Variants in EPM2A observed in about 807,000 individuals in gnomAD.
EPM2A encodes EPM2A glucan phosphatase, laforin.
In EPM2A, 21 loss-of-function variants were observed where a neutral mutation model predicts 26.5. That is an observed-to-expected ratio of 0.79 (90% CI 0.56 to 1.14). The LOEUF (loss-of-function observed/expected upper bound fraction) is 1.14. Ranked by LOEUF, EPM2A falls within the 50% of genes most tolerant of loss-of-function variation. The pLI, the probability that EPM2A is intolerant of heterozygous loss-of-function variation, is 0.00. For synonymous variants in EPM2A, 217 were observed against 177.6 expected, an observed-to-expected ratio of 1.22 and a Z score of -1.76; for missense variants, 458 against 440.8, an observed-to-expected ratio of 1.04 and a Z score of -0.35.
At chr6:145,585,549 G>T (rs1425098721) in intron 2 of EPM2A, among the ~76,000 whole-genome samples, 1 of 152,034 alleles carries the variant, frequency 6.6e-6, no homozygotes, top group Non-Finnish European at 1.5e-5. Flanking sequence ...ATTTCTAGAT[G>T]TCTATCTAGG....
chr6:145,623,356 C>T (rs1775677295), downstream of EPM2A, among the ~76,000 whole-genome samples: 1 of 152,044 alleles, frequency 6.6e-6, no homozygotes, highest in South Asian at 2.1e-4. Flanking sequence ...ATAGGGTAGT[C>T]CAGGGAGGCA....
chr6:145,666,734 G>A (rs1779228509), intron 2 of EPM2A, among the ~76,000 whole-genome samples: 1 of 148,278 alleles, frequency 6.7e-6, no homozygotes, highest in Non-Finnish European at 1.5e-5. Context: ...GAACAAAGTT[G>A]GAGGCATCAC....
intron 1 of EPM2A, among the ~76,000 whole-genome samples, chr6:145,703,116 G>A (rs1384896759): frequency 4.5e-5 from 6 of 132,444 alleles, no homozygotes; most frequent in South Asian, 2.3e-4. Flanking sequence ...TTTTCGAGAC[G>A]GAGTCTCGCT....
rs148518269 is a variant in EPM2A at position 145,514,470 on chromosome 6, C to T, written c.341-11895G>A. 5.3e-5 allele frequency among the ~76,000 whole-genome samples: 8 copies of T among 152,168 alleles called. No individual in the cohort carries two copies. The East Asian group carries it at 1.5e-3, about 29-fold the overall frequency. ...AAAAAACAAACAAAATGCATCAAGT[C>T]AAATTTATTGATATATGTACATTTA... On this transcript the variant is annotated intron_variant, in intron 2 of 3. Coordinates refer to the EPM2A transcript ENST00000450221.
At chr6:145,572,788 C>T (rs1023251829) in intron 2 of EPM2A, among the ~76,000 whole-genome samples, 1 of 152,192 alleles carries the variant, frequency 6.6e-6, no homozygotes, top group African/African-American at 2.4e-5. Context: ...GCTTGCACAG[C>T]AGCCTGGACC....
At position 145,492,029 on chromosome 6, in the gene EPM2A, C is replaced by T. The variant is rs189149407; in HGVS notation, c.555+10493G>A. 17 of 346,444 alleles carry T rather than the reference C, an allele frequency of 4.9e-5. No individual in the cohort carries two copies. The East Asian group carries it at 9.0e-4, about 18-fold the overall frequency. 21.5% of individuals were successfully genotyped at this position (346,444 alleles called of 1,614,324 possible). ...CGATCTTGCTGTTTATTCAGTCAGT[C>T]GAGGATCATCTGATGATGTTCAGGA... On this transcript the variant is annotated intron_variant, in intron 4 of 4. Coordinates refer to the EPM2A transcript ENST00000638717.
chr6:145,450,086 G>C (rs1178676768), intron 4 of EPM2A, among the ~76,000 whole-genome samples: 1 of 151,900 alleles, frequency 6.6e-6, no homozygotes, highest in African/African-American at 2.4e-5. Flanking sequence ...TGGTGTGGTG[G>C]CTCACACCTG....
At chr6:145,621,746 G>C (rs1217879750), downstream of EPM2A, among the ~76,000 whole-genome samples, 3 of 152,000 alleles carry the variant, frequency 2.0e-5, no homozygotes. Flanking sequence ...GTCTTCTTTG[G>C]AGAAATGTCT....
intron 2 of EPM2A, among the ~76,000 whole-genome samples, chr6:145,681,256 A>C (rs1457118286): frequency 1.1e-4 from 16 of 147,208 alleles, no homozygotes; most frequent in African/African-American, 2.0e-4. Context: ...TTTTTCTTGT[A>C]AATTTGTTTG....
intron 2 of EPM2A, among the ~76,000 whole-genome samples, chr6:145,536,276 T>G (rs12191427): frequency 0.02 from 944 of 48,062 alleles, 9 homozygotes; most frequent in Non-Finnish European, 0.031. Flanking sequence ...TTTTTGTTTT[T>G]GTTTTGGTTT....
At chr6:145,518,455 T>G (rs922736978) in intron 2 of EPM2A, among the ~76,000 whole-genome samples, 1 of 152,074 alleles carries the variant, frequency 6.6e-6, no homozygotes, top group African/African-American at 2.4e-5. Flanking sequence ...AGATGGACAC[T>G]CCAGTACAGC....
intron 2 of EPM2A, among the ~76,000 whole-genome samples, chr6:145,601,138 C>G (rs1033141266): frequency 6.6e-6 from 1 of 152,122 alleles, no homozygotes; most frequent in African/African-American, 2.4e-5. Context: ...ATTATTAACA[C>G]TTATTTATAT....
chr6:145,495,281 T>G (rs1328025555), intron 4 of EPM2A, among the ~76,000 whole-genome samples: 1 of 151,408 alleles, frequency 6.6e-6, no homozygotes, highest in African/African-American at 2.4e-5. Context: ...GAGTCTGTTT[T>G]GTCAAAAACT....
chr6:145,477,160 G>T (rs971672614), intron 4 of EPM2A, among the ~76,000 whole-genome samples: 1 of 151,792 alleles, frequency 6.6e-6, no homozygotes, highest in Non-Finnish European at 1.5e-5. Flanking sequence ...GCTACTATGA[G>T]CAACTATATG....
chr6:145,423,687 T>C (rs1778818610), intron 4 of EPM2A, among the ~76,000 whole-genome samples: 1 of 152,118 alleles, frequency 6.6e-6, no homozygotes, highest in Non-Finnish European at 1.5e-5. Context: ...ACCTTGCCAA[T>C]GTGGGATGGC....
At chr6:145,661,089 C>A (rs1026626305) in intron 2 of EPM2A, among the ~76,000 whole-genome samples, 5 of 151,808 alleles carry the variant, frequency 3.3e-5, no homozygotes, top group African/African-American at 1.2e-4. Flanking sequence ...AAGTCGGGTG[C>A]GGGTCCGAGA....
intron 2 of EPM2A, among the ~76,000 whole-genome samples, chr6:145,667,915 C>CA (rs1261532984): frequency 4.0e-5 from 6 of 149,770 alleles, no homozygotes; most frequent in African/African-American, 9.9e-5. Flanking sequence ...ATCGCAAGAA[C>CA]AAAAAACCAA....
intron 2 of EPM2A, among the ~76,000 whole-genome samples, chr6:145,503,062 T>C (rs1779916307): frequency 6.6e-6 from 1 of 152,232 alleles, no homozygotes; most frequent in Non-Finnish European, 1.5e-5. Context: ...ACATAATTTA[T>C]AAATGAAAAT....
intron 2 of EPM2A, among the ~76,000 whole-genome samples, chr6:145,609,783 C>T (rs1456355415): frequency 1.3e-5 from 2 of 152,176 alleles, no homozygotes; most frequent in East Asian, 3.8e-4. Context: ...TTGGACTCTC[C>T]TCTTGTTCTT....
Sources: allele counts gnomAD v4.1 joint callset (sites outside exome capture counted in the v4.1 genomes callset), GRCh38; gene constraint gnomAD v4.1.1; transcripts MANE v1.5; gene names NCBI Gene and HGNC (gene_info 2026-07-23, HGNC 2026-07-21).